CCDC33: variants seen among roughly 807,000 people sequenced by gnomAD.
CCDC33 encodes the protein coiled-coil domain-containing protein 33.
A neutral mutation model predicts 91.9 loss-of-function variants in CCDC33; 94 were observed. The ratio of observed to expected loss-of-function variants is 1.02; its 90% CI spans 0.87 to 1.21. The LOEUF is 1.21. CCDC33 is among the 50% of genes most tolerant of loss of function. CCDC33 has a pLI of 0.00. For missense variants in CCDC33, 940 were observed against 935.5 expected, an observed-to-expected ratio of 1.00 and a Z score of -0.06; for synonymous variants, 396 against 374.5, an observed-to-expected ratio of 1.06 and a Z score of -0.66.
intron 11 of CCDC33, among the ~76,000 whole-genome samples, chr15:74,313,581 C>T (rs1006047227): frequency 2.0e-5 from 3 of 151,920 alleles, no homozygotes; most frequent in Non-Finnish European, 4.4e-5. Flanking sequence ...CGCGATGCTC[C>T]GCTAATTTTT....
intron 1 of CCDC33, among the ~76,000 whole-genome samples, chr15:74,240,572 G>T (rs2075314314): frequency 6.6e-6 from 1 of 152,170 alleles, no homozygotes; most frequent in Non-Finnish European, 1.5e-5. Context: ...GGTACAGAGA[G>T]GTAGGGCCAG....
intron 2 of CCDC33, among the ~76,000 whole-genome samples, chr15:74,257,915 A>G (rs1238017976): frequency 6.6e-6 from 1 of 152,182 alleles, no homozygotes; most frequent in African/African-American, 2.4e-5. Context: ...ATGGCCTGGG[A>G]GTCTGGCAGC....
rs1336489190 is a variant in CCDC33 at position 74,271,721 on chromosome 15, A to C, written c.565A>C (p.Asn189His). ...TCTCCAGATCTTTCTCCGGGGAGTC[A>C]ACGAGCCCCTGGCCAACAACCCCAA... ...MALEIFLRGV[N>H]EPLANNPNPI... Residue 189 changes from asparagine (N) to histidine (H), a missense_variant, in exon 6 of 19, where the codon AAC (asparagine) becomes CAC (histidine). By Grantham distance (68) the Asn-to-His change is moderately conservative. Transcript: ENST00000398814. The C allele has an allele frequency of 6.2e-7, 1 of 1,613,594 alleles. No individual in the cohort carries two copies. Among genetic ancestry groups the C allele is most frequent in the East Asian group, 2.2e-5 (1 of 44,858 alleles).
At chr15:74,330,412 G>A (rs911257298) in intron 12 of CCDC33, 58 bp downstream of exon 12, 58 of 1,486,738 alleles carry the variant, frequency 3.9e-5, no homozygotes, top group East Asian at 9.7e-5. Flanking sequence ...CAGGCTCCAG[G>A]TTGTGCAATA....
intron 5 of CCDC33, among the ~76,000 whole-genome samples, chr15:74,271,318 G>A (rs183178701): frequency 2.0e-5 from 3 of 152,054 alleles, no homozygotes; most frequent in South Asian, 2.1e-4. Flanking sequence ...CAAGGAGCTG[G>A]AACACCTAGC....
At chr15:74,216,099 T>C (rs2074440852), upstream of CCDC33, among the ~76,000 whole-genome samples, 1 of 152,078 alleles carries the variant, frequency 6.6e-6, no homozygotes, top group South Asian at 2.1e-4. Flanking sequence ...TTTCTGCTGG[T>C]CACTTCAAAT....
chr15:74,227,282 G>A (rs1305167597), intron 2 of CCDC33, among the ~76,000 whole-genome samples: 2 of 152,226 alleles, frequency 1.3e-5, no homozygotes, highest in East Asian at 3.8e-4. Context: ...ACACAGGTGG[G>A]AATGACTAAC....
chr15:74,208,204 A>G, intron 1 of CCDC33: 1 of 326,484 alleles, frequency 3.1e-6, no homozygotes, highest in Non-Finnish European at 4.6e-6. Context: ...ATTTCAGCTC[A>G]GAACAAAGGT....
intron 1 of CCDC33, among the ~76,000 whole-genome samples, chr15:74,242,764 G>A (rs943111207): frequency 6.6e-6 from 1 of 152,188 alleles, no homozygotes. Context: ...AGCCACAGCA[G>A]CCTCATGGCC....
At chr15:74,220,197 C>T (rs2074553695) in intron 2 of CCDC33, among the ~76,000 whole-genome samples, 1 of 152,178 alleles carries the variant, frequency 6.6e-6, no homozygotes, top group Non-Finnish European at 1.5e-5. Flanking sequence ...AGGATAACTA[C>T]GAGGATGACC....
At chr15:74,210,840 G>T (rs750014430) in intron 2 of CCDC33, among the ~76,000 whole-genome samples, 1 of 152,160 alleles carries the variant, frequency 6.6e-6, no homozygotes, top group Non-Finnish European at 1.5e-5. Flanking sequence ...TTCTCAAAAA[G>T]AGAGGTGTTC....
chr15:74,233,014 C>T (rs1483390033), upstream of CCDC33, among the ~76,000 whole-genome samples: 3 of 152,214 alleles, frequency 2.0e-5, no homozygotes, highest in Non-Finnish European at 4.4e-5. Context: ...CGCCCATGGC[C>T]GCACCTTTCT....
chr15:74,254,273 T>G (rs1207029960), intron 2 of CCDC33, among the ~76,000 whole-genome samples: 1 of 152,144 alleles, frequency 6.6e-6, no homozygotes, highest in Non-Finnish European at 1.5e-5. Context: ...CTTCATGATC[T>G]GCCCGCCTCA....
At chr15:74,271,312 G>C in intron 5 of CCDC33, among the ~76,000 whole-genome samples, 1 of 152,110 alleles carries the variant, frequency 6.6e-6, no homozygotes, top group Non-Finnish European at 1.5e-5. Context: ...AGAAACCAAG[G>C]AGCTGGAACA....
chr15:74,233,825 A>T (rs887762079), upstream of CCDC33, among the ~76,000 whole-genome samples: 5 of 152,180 alleles, frequency 3.3e-5, no homozygotes, highest in African/African-American at 1.2e-4. Context: ...TTTGCCCAAG[A>T]TCACACAGCT....
intron 10 of CCDC33, among the ~76,000 whole-genome samples, chr15:74,286,317 C>T (rs555715923): frequency 6.6e-6 from 1 of 152,248 alleles, no homozygotes; most frequent in Admixed American, 6.5e-5. Flanking sequence ...CACACAGAAA[C>T]CTTTGGTCTC....
chr15:74,280,562 G>A (rs2059339448), intron 8 of CCDC33, 106 bp from the exon 9 acceptor site: 2 of 1,310,062 alleles, frequency 1.5e-6, no homozygotes, highest in Non-Finnish European at 2.0e-6. Flanking sequence ...AGGCCAGGAG[G>A]CAGGAAAGCA....
At chr15:74,250,805 G>A (rs189631628) in intron 2 of CCDC33, among the ~76,000 whole-genome samples, 8 of 152,296 alleles carry the variant, frequency 5.3e-5, no homozygotes, top group Non-Finnish European at 1.0e-4. Flanking sequence ...GTATGACTGT[G>A]GGAAAGTTAC....
chr15:74,325,371 A>G (rs1026060617), intron 11 of CCDC33, among the ~76,000 whole-genome samples: 1 of 151,944 alleles, frequency 6.6e-6, no homozygotes, highest in Non-Finnish European at 1.5e-5. Flanking sequence ...CCTCTGCCCA[A>G]GAGCCCTCTC....
Sources: allele counts gnomAD v4.1 joint callset (sites outside exome capture counted in the v4.1 genomes callset), GRCh38; gene constraint gnomAD v4.1.1; transcripts MANE v1.5; gene names NCBI Gene and HGNC (gene_info 2026-07-23, HGNC 2026-07-21).